Variants in HMGB1 observed in about 807,000 individuals in gnomAD.
The protein encoded by HMGB1 is high mobility group protein B1.
For missense variants in HMGB1, 79 were observed against 253.5 expected (o/e 0.31, Z 4.67); for synonymous variants, 81 against 84.0 (o/e 0.96, Z 0.19).
rs553189227 is a variant in HMGB1 at position 30,557,407 on chromosome 13, T to C, written c.-15+59264A>G. Among the ~76,000 whole-genome samples, 75 of 152,288 alleles carry C rather than the reference T, an allele frequency of 4.9e-4. 1 individual carries two copies. Among genetic ancestry groups the C allele is most frequent in the Admixed American group, 4.9e-3 (75 of 15,298 alleles). On this transcript the variant is annotated intron_variant, in intron 1 of 4. Coordinates refer to the HMGB1 transcript ENST00000405805. ...TAGTCTATGTTCCTTTGCGTTTTTG[T>C]TTTATTTTATTTAAATGTCTGTCTA...
intron 1 of HMGB1, among the ~76,000 whole-genome samples, chr13:30,586,258 T>C (rs1871140171): frequency 6.6e-6 from 1 of 152,100 alleles, no homozygotes; most frequent in South Asian, 2.1e-4. Context: ...ATTCCCTCCT[T>C]GAAACACTCT....
chr13:30,521,376 C>T (rs1888234619), intron 1 of HMGB1, among the ~76,000 whole-genome samples: 1 of 152,172 alleles, frequency 6.6e-6, no homozygotes, highest in Admixed American at 6.5e-5. Flanking sequence ...AGTATCCATT[C>T]CTCCCCTGAC....
intron 1 of HMGB1, among the ~76,000 whole-genome samples, chr13:30,611,166 C>T (rs141453736): frequency 9.2e-5 from 14 of 152,250 alleles, no homozygotes; most frequent in African/African-American, 2.9e-4. Context: ...TGCTTTGTAA[C>T]AATGTGTTAT....
intron 1 of HMGB1, among the ~76,000 whole-genome samples, chr13:30,562,484 A>T (rs1430616907): frequency 2.0e-5 from 3 of 152,156 alleles, no homozygotes; most frequent in Non-Finnish European, 4.4e-5. Flanking sequence ...AAGTACTCTT[A>T]TATGAAAAGT....
chr13:30,537,668 T>TATATATATATAA (rs1472526113), intron 1 of HMGB1, among the ~76,000 whole-genome samples: 2 of 89,188 alleles, frequency 2.2e-5, no homozygotes, highest in Non-Finnish European at 4.4e-5. Context: ...TATATATATA[T>TATATATATATAA]ATATATATAT....
At chr13:30,586,255 C>T (rs1871140045) in intron 1 of HMGB1, among the ~76,000 whole-genome samples, 1 of 152,046 alleles carries the variant, frequency 6.6e-6, no homozygotes, top group Admixed American at 6.6e-5. Context: ...ATAATTCCCT[C>T]CTTGAAACAC....
At chr13:30,606,811 G>C (rs1335580727) in intron 1 of HMGB1, among the ~76,000 whole-genome samples, 1 of 152,170 alleles carries the variant, frequency 6.6e-6, no homozygotes, top group Non-Finnish European at 1.5e-5. Flanking sequence ...AGAATGTTTA[G>C]GCATTGTCAG....
chr13:30,556,388 G>A (rs1869690232), intron 1 of HMGB1, among the ~76,000 whole-genome samples: 1 of 152,166 alleles, frequency 6.6e-6, no homozygotes, highest in African/African-American at 2.4e-5. Flanking sequence ...TGGGCAACAA[G>A]AGAGAAACTC....
At chr13:30,484,784 GGAGA>G (rs1887324891) in intron 1 of HMGB1, among the ~76,000 whole-genome samples, 2 of 151,562 alleles carry the variant, frequency 1.3e-5, no homozygotes, top group African/African-American at 4.8e-5. Flanking sequence ...GGAGAGGAGA[GGAGA>G]GAAGAAGAGA....
chr13:30,503,056 G>A (rs1270919611), intron 1 of HMGB1, among the ~76,000 whole-genome samples: 1 of 152,120 alleles, frequency 6.6e-6, no homozygotes, highest in African/African-American at 2.4e-5. Flanking sequence ...GTTTAGGATA[G>A]GCCAGGAGCG....
upstream of HMGB1, among the ~76,000 whole-genome samples, chr13:30,467,697 A>C (rs1285077071): frequency 2.0e-5 from 3 of 152,234 alleles, no homozygotes. Flanking sequence ...ATACTGTCTT[A>C]TCTTCTCAAT....
intron 1 of HMGB1, among the ~76,000 whole-genome samples, chr13:30,516,120 A>G (rs1308848590): frequency 1.3e-5 from 2 of 152,210 alleles, no homozygotes; most frequent in Non-Finnish European, 2.9e-5. Flanking sequence ...TTAATACAGC[A>G]TCTCCCAAAT....
At chr13:30,521,699 G>C (rs1329006110) in intron 1 of HMGB1, among the ~76,000 whole-genome samples, 2 of 152,186 alleles carry the variant, frequency 1.3e-5, no homozygotes, top group Non-Finnish European at 2.9e-5. Flanking sequence ...ATTTTGTGTA[G>C]ATACGTGTTT....
chr13:30,464,249 G>C lies in HMGB1; in HGVS notation c.-14-555C>G, dbSNP rs1042958539. ...CAGCCAGCTCCGGTGCTCGGAACCCGGTTGGGGGGTGGCGGTGCCACCGCG... is the reference window on the plus strand; with the variant it reads ...CAGCCAGCTCCGGTGCTCGGAACCCCGTTGGGGGGTGGCGGTGCCACCGCG... On this transcript the variant is annotated intron_variant, in intron 1 of 4. Coordinates refer to ENST00000341423, the MANE Select transcript of HMGB1 (RefSeq NM_002128.7). The C allele has an allele frequency of 7.1e-6, 7 of 985,426 alleles. No individual in the cohort carries two copies. In the African/African-American group the frequency reaches 1.2e-4, roughly 17 times the overall value. The allele number at this position is 985,426 out of a possible 1,614,324, so 61.0% of individuals were successfully genotyped here.
chr13:30,530,827 G>T (rs557994437), intron 1 of HMGB1, among the ~76,000 whole-genome samples: 4 of 152,168 alleles, frequency 2.6e-5, no homozygotes, highest in Admixed American at 2.6e-4. Flanking sequence ...CAGGCAGATT[G>T]CTTGAGCCCA....
chr13:30,464,733 G>GC, intron 1 of HMGB1: 4 of 653,926 alleles, frequency 6.1e-6, no homozygotes, highest in Non-Finnish European at 7.6e-6. Flanking sequence ...GCGAGGGCGA[G>GC]CGCGAGCGAG....
intron 1 of HMGB1, among the ~76,000 whole-genome samples, chr13:30,493,029 C>T (rs1414587330): frequency 6.9e-6 from 1 of 144,700 alleles, no homozygotes; most frequent in Non-Finnish European, 1.5e-5. Context: ...GTTAAACATA[C>T]ACCTGCCATT....
upstream of HMGB1, among the ~76,000 whole-genome samples, chr13:30,466,797 A>G (rs1319778463): frequency 6.6e-6 from 1 of 152,224 alleles, no homozygotes; most frequent in Admixed American, 6.5e-5. Flanking sequence ...AATGTTTGTG[A>G]GGCCCTGGTA....
intron 1 of HMGB1, among the ~76,000 whole-genome samples, chr13:30,603,404 A>G (rs1036392630): frequency 3.3e-5 from 5 of 152,144 alleles, no homozygotes; most frequent in African/African-American, 1.2e-4. Flanking sequence ...TCTCTTTACT[A>G]TTAATACCCT....
Sources: gnomAD v4.1 joint callset for allele counts (sites outside exome capture counted in the v4.1 genomes callset) on GRCh38, gnomAD v4.1.1 for gene constraint, MANE v1.5 for transcripts, NCBI Gene and HGNC (gene_info 2026-07-23, HGNC 2026-07-21) for gene names.